The following LDHB variants were observed in gnomAD, a reference collection of about 807,000 sequenced individuals.
The protein encoded by LDHB is L-lactate dehydrogenase B chain.
LDHB carries 18 observed loss-of-function variants against 33.4 expected under a neutral mutation model. The observed-to-expected ratio is 0.54, with a 90% CI of 0.37 to 0.80. The LOEUF is 0.80. Ranked by LOEUF, LDHB falls within the 30% of genes least tolerant of loss-of-function variation. The probability of loss-of-function intolerance (pLI) is 0.00; values close to 1 mark genes in which losing one functional copy is unlikely to be tolerated. For missense variants in LDHB, 345 were observed against 407.9 expected, an observed-to-expected ratio of 0.85 and a Z score of 1.33; for synonymous variants, 121 against 140.6, an observed-to-expected ratio of 0.86 and a Z score of 0.98.
chr12:21,654,606 A>T lies in LDHB; in HGVS notation c.66T>A (p.Asn22Lys). Residue 22 changes from asparagine (N) to lysine (K), a missense_variant, in exon 2 of 8, where the codon AAT (asparagine) becomes AAA (lysine). Coordinates refer to ENST00000350669, the MANE Select transcript of LDHB (RefSeq NM_002300.8). ...GTCCAACACCCACTACAGTGATCTT[A>T]TTGTTTGGAACTGTTGCCTCTTCTT... ...VAEEEATVPN[N>K]KITVVGVGQV... The T allele has an allele frequency of 1.2e-6, 2 of 1,614,016 alleles. No individual in the cohort carries two copies. Among genetic ancestry groups the T allele is most frequent in the Non-Finnish European group, 1.7e-6 (2 of 1,179,888 alleles).
At chr12:21,643,105 C>T (rs1049350151) in intron 4 of LDHB, among the ~76,000 whole-genome samples, 2 of 151,450 alleles carry the variant, frequency 1.3e-5, no homozygotes, top group Non-Finnish European at 2.9e-5. Context: ...TCTTGGTTTG[C>T]AGAAGTAAAA....
chr12:21,650,280 G>T (rs1158783929), intron 2 of LDHB, among the ~76,000 whole-genome samples: 1 of 152,082 alleles, frequency 6.6e-6, no homozygotes, highest in Admixed American at 6.5e-5. Flanking sequence ...CCTCTGAAAT[G>T]CTACTTCTAC....
At position 21,647,032 on chromosome 12, in the gene LDHB, CAG is replaced by C. The variant is rs1184195750; in HGVS notation, c.130-18_130-17del. ...CAGCCAGAGACTGTAAACGCAAAAA[CAG>C]GCATTAGAACCCTAAGCCACTCTAG... On this transcript the variant is annotated splice_polypyrimidine_tract_variant and intron_variant, in intron 2 of 7. Coordinates refer to ENST00000350669, the MANE Select transcript of LDHB (RefSeq NM_002300.8). 1 of 1,545,254 alleles carries C rather than the reference CAG, an allele frequency of 6.5e-7. No individual in the cohort carries two copies. The highest frequency in any genetic ancestry group is 8.9e-7 in the Non-Finnish European group (1 of 1,118,032).
At chr12:21,651,018 T>C (rs1938675200) in intron 2 of LDHB, among the ~76,000 whole-genome samples, 2 of 152,326 alleles carry the variant, frequency 1.3e-5, no homozygotes, top group South Asian at 2.1e-4. Context: ...ATCTGAATGA[T>C]AAGAAGGGGT....
intron 2 of LDHB, among the ~76,000 whole-genome samples, chr12:21,648,522 T>G (rs1322207463): frequency 5.4e-5 from 4 of 73,852 alleles, no homozygotes; most frequent in Non-Finnish European, 8.2e-5. Flanking sequence ...GCTACACAGG[T>G]GAAGGGTATT....
At chr12:21,654,779 A>G in intron 1 of LDHB, 102 bp from the exon 2 acceptor site, 1 of 930,928 alleles carries the variant, frequency 1.1e-6, no homozygotes, top group Non-Finnish European at 1.8e-6. Context: ...CTGAAGTACA[A>G]CTTAAAATGA....
chr12:21,642,584 A>G (rs1938403922), intron 4 of LDHB, among the ~76,000 whole-genome samples: 3 of 152,164 alleles, frequency 2.0e-5, no homozygotes, highest in African/African-American at 7.2e-5. Context: ...GGCATGAGGT[A>G]TTCTTCAGTA....
chr12:21,642,288 C>T (rs1938396656), intron 4 of LDHB, among the ~76,000 whole-genome samples, 163 bp from the exon 5 acceptor site: 1 of 151,902 alleles, frequency 6.6e-6, no homozygotes, highest in African/African-American at 2.4e-5. Context: ...GTTAGAGATA[C>T]CAGGAATGAC....
At position 21,654,614 on chromosome 12, in the gene LDHB, G is replaced by T; in HGVS notation, c.58C>A (p.Pro20Thr). 1 of 1,613,932 alleles carries T rather than the reference G, an allele frequency of 6.2e-7. No homozygotes were observed. Among genetic ancestry groups the T allele is most frequent in the Non-Finnish European group, 8.5e-7 (1 of 1,179,834 alleles). The change falls in exon 2 of 8, where the codon CCA (proline) becomes ACA (threonine). Residue 20 changes from proline (P) to threonine (T), a missense_variant. Transcript: ENST00000350669. ...CCCACTACAGTGATCTTATTGTTTGGAACTGTTGCCTCTTCTTCCGCAACT... is the reference window on the plus strand; with the variant it reads ...CCCACTACAGTGATCTTATTGTTTGTAACTGTTGCCTCTTCTTCCGCAACT... ...APVAEEEATV[P>T]NNKITVVGVG... is the part of the protein sequence containing the mutation.
intron 2 of LDHB, among the ~76,000 whole-genome samples, chr12:21,650,459 A>G (rs1212674594): frequency 6.6e-6 from 1 of 152,204 alleles, no homozygotes; most frequent in Admixed American, 6.5e-5. Flanking sequence ...GCTTTGTTAT[A>G]TACTGTGTTT....
intron 2 of LDHB, among the ~76,000 whole-genome samples, chr12:21,653,394 T>C (rs772405299): frequency 2.4e-4 from 37 of 152,152 alleles, no homozygotes; most frequent in Non-Finnish European, 4.4e-5. Flanking sequence ...TGATCTGAAC[T>C]GGAACAATTT....
intron 4 of LDHB, among the ~76,000 whole-genome samples, chr12:21,643,138 T>C (rs1164313741): frequency 6.6e-6 from 1 of 152,228 alleles, no homozygotes; most frequent in Non-Finnish European, 1.5e-5. Context: ...CCTCTGTCCT[T>C]GCTGGCTCTC....
chr12:21,637,358 T>C, intron 6 of LDHB, 164 bp from the exon 7 acceptor site: 3 of 604,388 alleles, frequency 5.0e-6, no homozygotes, highest in Non-Finnish European at 8.8e-6. Context: ...TTAATATATA[T>C]GTAAAATGCT....
chr12:21,638,131 T>G (rs1369953095), intron 6 of LDHB, among the ~76,000 whole-genome samples: 1 of 152,040 alleles, frequency 6.6e-6, no homozygotes, highest in Non-Finnish European at 1.5e-5. Context: ...TTGCTCCTGT[T>G]ACCTCTACAA....
chr12:21,648,942 T>G lies in LDHB; in HGVS notation c.130-1926A>C, dbSNP rs531173277. On this transcript the variant is annotated intron_variant, in intron 2 of 7. Transcript: ENST00000350669. Reference sequence around the variant, plus strand: ...CGTACAAAACATTTCCTCATTTCCATGTGTATCAAATACTGGCGTTAATTT... The same window carrying G: ...CGTACAAAACATTTCCTCATTTCCAGGTGTATCAAATACTGGCGTTAATTT... Among the ~76,000 whole-genome samples, 12 of 152,342 alleles carry G rather than the reference T, an allele frequency of 7.9e-5. No individual in the cohort carries two copies. In the South Asian group the frequency reaches 2.5e-3, roughly 32 times the overall value.
At chr12:21,646,078 C>A (rs957930508) in intron 3 of LDHB, among the ~76,000 whole-genome samples, 30 of 152,194 alleles carry the variant, frequency 2.0e-4, no homozygotes, top group Middle Eastern at 3.4e-3. Context: ...TTGAGTTTAA[C>A]CTTAAGGATA....
At chr12:21,653,000 G>A (rs1393040905) in intron 2 of LDHB, among the ~76,000 whole-genome samples, 1 of 152,210 alleles carries the variant, frequency 6.6e-6, no homozygotes, top group Non-Finnish European at 1.5e-5. Context: ...AAGGGACAGT[G>A]TGTTCTCCTG....
intron 2 of LDHB, among the ~76,000 whole-genome samples, chr12:21,653,297 T>C (rs1416569668): frequency 2.0e-5 from 3 of 152,166 alleles, no homozygotes; most frequent in African/African-American, 7.2e-5. Context: ...ATATGTCCTA[T>C]TCTTAGGAAA....
At chr12:21,639,362 A>G (rs1280722160) in intron 5 of LDHB, among the ~76,000 whole-genome samples, 1 of 152,016 alleles carries the variant, frequency 6.6e-6, no homozygotes, top group African/African-American at 2.4e-5. Flanking sequence ...GGGAATCAGA[A>G]GACATAATTC....
Sources: gnomAD v4.1 joint callset for allele counts (sites outside exome capture counted in the v4.1 genomes callset) on GRCh38, gnomAD v4.1.1 for gene constraint, MANE v1.5 for transcripts, NCBI Gene and HGNC (gene_info 2026-07-23, HGNC 2026-07-21) for gene names.